KYNU: variants seen among roughly 807,000 people sequenced by gnomAD.
KYNU encodes the protein L-kynurenine hydrolase.
In KYNU, 54 loss-of-function variants were observed where a neutral mutation model predicts 59.2. The observed-to-expected ratio is 0.91, with a 90% confidence interval of 0.73 to 1.14. KYNU has a LOEUF of 1.14. KYNU is among the 50% of genes most tolerant of loss of function. KYNU has a pLI of 0.00. For synonymous variants in KYNU, 177 were observed against 192.0 expected, an observed-to-expected ratio of 0.92 and a Z score of 0.65; for missense variants, 567 against 554.4, an observed-to-expected ratio of 1.02 and a Z score of -0.23.
intron 2 of KYNU, among the ~76,000 whole-genome samples, chr2:142,906,279 G>A (rs571697900): frequency 3.3e-5 from 5 of 152,308 alleles, no homozygotes; most frequent in African/African-American, 1.2e-4. Context: ...TAAAGTACTA[G>A]GTCATCAGTT....
Position 143,051,816 on chromosome 2 carries a change from A to G in KYNU, c.*9644A>G, listed in dbSNP as rs1290083481. On this transcript the variant is annotated 3_prime_UTR_variant, in exon 14 of 14. Coordinates refer to ENST00000264170, the MANE Select transcript of KYNU (RefSeq NM_003937.3). ...TTATCAGCAGCCTGAAAACTGACTA[A>G]TATAGTAAGTTGGCACCAGTAGAGA... 6.6e-6 allele frequency: 1 copy of G among 152,310 alleles called. No homozygotes were observed. Among genetic ancestry groups the G allele is most frequent in the Non-Finnish European group, 1.5e-5 (1 of 68,132 alleles). The allele number at this position is 152,310 out of a possible 1,614,324, so 9.4% of individuals were successfully genotyped here. A position where few individuals can be genotyped will look rare whatever the true frequency, so the allele number is the denominator to read the frequency against.
chr2:143,006,299 G>A (rs557006746), intron 10 of KYNU, among the ~76,000 whole-genome samples: 34 of 151,890 alleles, frequency 2.2e-4, no homozygotes, highest in East Asian at 7.8e-4. Flanking sequence ...GGTGACGGAC[G>A]CACCTGGAAA....
intron 10 of KYNU, among the ~76,000 whole-genome samples, chr2:143,007,435 T>C (rs1341757436): frequency 7.2e-6 from 1 of 139,014 alleles, no homozygotes; most frequent in Non-Finnish European, 1.5e-5. Context: ...GTCTGATTGG[T>C]GTACCTGAAA....
At chr2:142,941,947 T>C (rs1683615033) in intron 4 of KYNU, among the ~76,000 whole-genome samples, 1 of 152,016 alleles carries the variant, frequency 6.6e-6, no homozygotes, top group African/African-American at 2.4e-5. Flanking sequence ...GGAAGGAGAA[T>C]TTCTTGAGCC....
intron 1 of KYNU, among the ~76,000 whole-genome samples, chr2:142,882,965 GT>G (rs1681353342): frequency 6.6e-6 from 1 of 152,040 alleles, no homozygotes; most frequent in South Asian, 2.1e-4. Context: ...AAGTGTTCCT[GT>G]TTCTCCACAT....
At chr2:142,922,261 G>A (rs1682908013) in intron 3 of KYNU, among the ~76,000 whole-genome samples, 1 of 152,204 alleles carries the variant, frequency 6.6e-6, no homozygotes, top group South Asian at 2.1e-4. Flanking sequence ...AGGACTTTGG[G>A]AGGCCAAGGC....
intron 10 of KYNU, among the ~76,000 whole-genome samples, chr2:142,994,931 T>C (rs868371100): frequency 2.6e-5 from 4 of 152,232 alleles, no homozygotes; most frequent in South Asian, 4.1e-4. Context: ...CATATGCTTC[T>C]ATGAAGACCA....
At chr2:142,954,384 A>G (rs934118948) in intron 4 of KYNU, among the ~76,000 whole-genome samples, 2 of 152,044 alleles carry the variant, frequency 1.3e-5, no homozygotes, top group Non-Finnish European at 2.9e-5. Context: ...CCTTTTATAA[A>G]AGGTGTATTT....
rs1453472094 is a variant in KYNU, at chr2:142,956,188, TC to T, written c.436-13del. 2.8e-6 allele frequency: 4 copies of T among 1,416,990 alleles called. No individual in the cohort carries two copies. The African/African-American group carries it at 5.6e-5, about 20-fold the overall frequency. The allele number at this position is 1,416,990 out of a possible 1,614,324, so 87.8% of individuals were successfully genotyped here. On this transcript the variant is annotated splice_polypyrimidine_tract_variant and intron_variant, in intron 5 of 13. Coordinates refer to ENST00000264170, the MANE Select transcript of KYNU (RefSeq NM_003937.3). Reference sequence around the variant, plus strand: ...TGTGTATTAATGCTTTCTCAATAAATCCATTTTATTGCAGTTATCATTTTTT... The same window carrying T: ...TGTGTATTAATGCTTTCTCAATAAATCATTTTATTGCAGTTATCATTTTTT...
At chr2:142,933,478 C>T (rs1208043565) in intron 4 of KYNU, among the ~76,000 whole-genome samples, 1 of 152,078 alleles carries the variant, frequency 6.6e-6, no homozygotes, top group Non-Finnish European at 1.5e-5. Context: ...CCTAAAACAT[C>T]CCACTAATCC....
chr2:142,976,767 G>A (rs1333284199), intron 8 of KYNU, among the ~76,000 whole-genome samples: 1 of 152,034 alleles, frequency 6.6e-6, no homozygotes, highest in Non-Finnish European at 1.5e-5. Context: ...TGCCCAAGGT[G>A]GTCAGGGTAC....
At chr2:142,939,300 C>A (rs1021602257) in intron 4 of KYNU, among the ~76,000 whole-genome samples, 4 of 152,000 alleles carry the variant, frequency 2.6e-5, no homozygotes, top group Non-Finnish European at 2.9e-5. Flanking sequence ...ATATCAACTT[C>A]TAGTTTAAGA....
rs1687104700 is a variant in KYNU at position 143,043,233 on chromosome 2, A to G, written c.*1061A>G. On this transcript the variant is annotated 3_prime_UTR_variant, in exon 14 of 14. Transcript: ENST00000264170. ...TTTTTGGGGATTAGAGATATAAGAA[A>G]TATGTGCTCCATCTCTTGACATCTT... 6.6e-6 allele frequency: 1 copy of G among 152,046 alleles called. No individual in the cohort carries two copies. Among genetic ancestry groups the G allele is most frequent in the African/African-American group, 2.4e-5 (1 of 41,444 alleles). 9.4% of individuals were successfully genotyped at this position (152,046 alleles called of 1,614,324 possible).
At position 143,016,203 on chromosome 2, in the gene KYNU, T is replaced by C. The variant is rs1307963608; in HGVS notation, c.903-13424T>C. Among the ~76,000 whole-genome samples the C allele has an allele frequency of 3.3e-5, 5 of 152,256 alleles. No homozygotes were observed. The East Asian group carries it at 9.6e-4, about 29-fold the overall frequency. ...TAAAGTATCAAGTTTATTACTATCATGTAAAATTTTACAGTCAGTGATTAT... is the reference window on the plus strand; with the variant it reads ...TAAAGTATCAAGTTTATTACTATCACGTAAAATTTTACAGTCAGTGATTAT... On this transcript the variant is annotated intron_variant, in intron 10 of 13. Transcript: ENST00000264170.
chr2:142,982,508 T>C (rs969171352), intron 8 of KYNU, among the ~76,000 whole-genome samples: 1 of 152,090 alleles, frequency 6.6e-6, no homozygotes, highest in Non-Finnish European at 1.5e-5. Flanking sequence ...AAACAGAGAC[T>C]TGCTTTTTTA....
chr2:143,039,592 G>A (rs1454916904), intron 12 of KYNU, among the ~76,000 whole-genome samples: 1 of 152,116 alleles, frequency 6.6e-6, no homozygotes, highest in East Asian at 1.9e-4. Context: ...AGATGCAGAT[G>A]AACAGGGGAG....
chr2:142,924,386 C>T (rs1682984630), intron 3 of KYNU, among the ~76,000 whole-genome samples: 1 of 152,152 alleles, frequency 6.6e-6, no homozygotes, highest in Admixed American at 6.5e-5. Context: ...GGATTACAGG[C>T]GTGAGCCACC....
At chr2:143,004,121 C>T (rs762498242) in intron 10 of KYNU, among the ~76,000 whole-genome samples, 1 of 152,142 alleles carries the variant, frequency 6.6e-6, no homozygotes, top group African/African-American at 2.4e-5. Flanking sequence ...TTCTACATTT[C>T]CTTCCCCATG....
At position 142,908,956 on chromosome 2, in the gene KYNU, T is replaced by C. The variant is rs894431916; in HGVS notation, c.170-9653T>C. ...GCCAAAATGATCTATTTTCTAATTA[T>C]ATAATTCAAAAAATTGTTTCAGGAA... On this transcript the variant is annotated intron_variant, in intron 2 of 13. Coordinates refer to ENST00000264170, the MANE Select transcript of KYNU (RefSeq NM_003937.3). 5.3e-5 allele frequency among the ~76,000 whole-genome samples: 8 copies of C among 152,176 alleles called. No homozygotes were observed. In the East Asian group the frequency reaches 5.8e-4, roughly 11 times the overall value.
Sources: allele counts gnomAD v4.1 joint callset (sites outside exome capture counted in the v4.1 genomes callset), GRCh38; gene constraint gnomAD v4.1.1; transcripts MANE v1.5; gene names NCBI Gene and HGNC (gene_info 2026-07-23, HGNC 2026-07-21).